Variants in PDE4D observed in about 807,000 individuals in gnomAD.
PDE4D encodes phosphodiesterase 4D.
A neutral mutation model predicts 87.4 loss-of-function variants in PDE4D; 24 were observed. The ratio of observed to expected loss-of-function variants is 0.27; its 90% CI spans 0.20 to 0.39. The LOEUF is 0.39. Among genes scored for constraint, PDE4D ranks in the 10% least tolerant of loss-of-function variants. The pLI is 1.00. For missense variants in PDE4D, 714 were observed against 1,041.0 expected (o/e 0.69, Z 4.32); for synonymous variants, 384 against 383.2 (o/e 1.00, Z -0.02).
At chr5:59,668,752 AAGAAAGAAGAAAGAAGAAGAAGAAAG>A (rs1746500734) in intron 1 of PDE4D, among the ~76,000 whole-genome samples, 2 of 147,026 alleles carry the variant, frequency 1.4e-5, no homozygotes, top group African/African-American at 5.3e-5. Context: ...GAAGAAGAAG[AAGAAAGAAGAAAGAAGAAGAAGAAAG>A]AAGAAGAAGA....
rs377277408 is a variant in PDE4D at position 59,386,691 on chromosome 5, A to AAGGGAGGAAGGGAGGAAGAGAGGGAGGG, written c.456-170724_456-170723insCCCTCCCTCTCTTCCTCCCTTCCTCCCT. 4.4e-4 allele frequency among the ~76,000 whole-genome samples: 60 copies of AAGGGAGGAAGGGAGGAAGAGAGGGAGGG among 136,326 alleles called. 2 individuals carry two copies. The highest frequency in any genetic ancestry group is 1.9e-3 in the East Asian group (8 of 4,212). The allele number at this position is 136,326 out of a possible 152,430, so 89.4% of individuals were successfully genotyped here. ...AAGAAGGGCAGGGCAGCGCAGGAGG[A>AAGGGAGGAAGGGAGGAAGAGAGGGAGGG]AGGGAGGGAGGGAGGGAGGGAGGGA... is the stretch of plus-strand genomic sequence containing the variant. On this transcript the variant is annotated intron_variant, in intron 1 of 14. Transcript: ENST00000340635.
chr5:59,367,503 C>T (rs1426593098), intron 1 of PDE4D, among the ~76,000 whole-genome samples: 2 of 151,854 alleles, frequency 1.3e-5, no homozygotes, highest in African/African-American at 4.8e-5. Context: ...TTTTTTCCCA[C>T]CAGGAATTTT....
At chr5:59,848,734 A>G (rs1744246317) in intron 1 of PDE4D, among the ~76,000 whole-genome samples, 5 of 152,074 alleles carry the variant, frequency 3.3e-5, no homozygotes, top group Admixed American at 3.3e-4. Context: ...TTAAAAGAAG[A>G]TAATGCATCC....
At chr5:59,035,517 A>G (rs1366955229) in intron 6 of PDE4D, among the ~76,000 whole-genome samples, 1 of 152,188 alleles carries the variant, frequency 6.6e-6, no homozygotes, top group Admixed American at 6.5e-5. Flanking sequence ...GCAACCAATG[A>G]AGTTTGACCT....
chr5:59,668,872 A>G (rs1404391622), intron 1 of PDE4D, among the ~76,000 whole-genome samples: 1,217 of 78,336 alleles, frequency 0.016, 89 homozygotes, highest in African/African-American at 0.063. Flanking sequence ...AAGAAGAAGA[A>G]GAAGAAGAAG....
chr5:59,008,137 G>T (rs1268553044), intron 6 of PDE4D, among the ~76,000 whole-genome samples: 1 of 151,940 alleles, frequency 6.6e-6, no homozygotes, highest in Non-Finnish European at 1.5e-5. Context: ...TTTCACTGAA[G>T]AATAATCATG....
intron 1 of PDE4D, among the ~76,000 whole-genome samples, chr5:59,826,200 G>A (rs1770303054): frequency 6.6e-6 from 1 of 151,914 alleles, no homozygotes; most frequent in Non-Finnish European, 1.5e-5. Flanking sequence ...TTCAAGTTTG[G>A]GCCTTGTTCA....
At chr5:59,179,277 T>G (rs1740911404) in intron 5 of PDE4D, among the ~76,000 whole-genome samples, 1 of 152,100 alleles carries the variant, frequency 6.6e-6, no homozygotes, top group East Asian at 1.9e-4. Flanking sequence ...AAGTTTTGTA[T>G]TTTTAGTAGA....
chr5:60,056,989 A>AC (rs1172302723), intron 2 of PDE4D, among the ~76,000 whole-genome samples: 1 of 152,044 alleles, frequency 6.6e-6, no homozygotes, highest in Non-Finnish European at 1.5e-5. Flanking sequence ...TCCAACACCT[A>AC]TCAACAGAAA....
intron 1 of PDE4D, among the ~76,000 whole-genome samples, chr5:59,669,189 A>G (rs1430518073): frequency 6.6e-6 from 1 of 152,072 alleles, no homozygotes; most frequent in African/African-American, 2.4e-5. Context: ...TCTGCTCACC[A>G]CAACCTCCAC....
At chr5:59,490,976 T>A (rs1372541161) in intron 1 of PDE4D, among the ~76,000 whole-genome samples, 1 of 152,188 alleles carries the variant, frequency 6.6e-6, no homozygotes, top group African/African-American at 2.4e-5. Flanking sequence ...TAGCCCTACT[T>A]ACTAGCAGAG....
chr5:59,577,772 G>A (rs1823418089), intron 1 of PDE4D, among the ~76,000 whole-genome samples: 1 of 152,006 alleles, frequency 6.6e-6, no homozygotes, highest in African/African-American at 2.4e-5. Context: ...TCATAATATT[G>A]GCTAAAGTCA....
At chr5:60,147,364 T>G (rs1213032842) in intron 2 of PDE4D, among the ~76,000 whole-genome samples, 1 of 150,356 alleles carries the variant, frequency 6.7e-6, no homozygotes, top group Non-Finnish European at 1.5e-5. Context: ...GACCAAGTGC[T>G]GGCGGTGAAT....
chr5:59,660,902 AT>A (rs1472806760), intron 1 of PDE4D, among the ~76,000 whole-genome samples: 2 of 151,938 alleles, frequency 1.3e-5, no homozygotes, highest in African/African-American at 4.8e-5. Flanking sequence ...AATACCACTC[AT>A]TATGTCTTCA....
At chr5:60,461,264 T>C in intron 1 of PDE4D, among the ~76,000 whole-genome samples, 1 of 152,296 alleles carries the variant, frequency 6.6e-6, no homozygotes, top group Non-Finnish European at 1.5e-5. Flanking sequence ...GGGGAATCCC[T>C]GCCCCAAACA....
intron 1 of PDE4D, among the ~76,000 whole-genome samples, chr5:59,865,796 C>T (rs796585026): frequency 5.3e-5 from 8 of 152,240 alleles, no homozygotes; most frequent in African/African-American, 1.9e-4. Context: ...TTAATCCTCC[C>T]ACTAAAATGT....
chr5:59,794,754 T>A (rs1766260549), intron 1 of PDE4D, among the ~76,000 whole-genome samples: 1 of 152,082 alleles, frequency 6.6e-6, no homozygotes, highest in Non-Finnish European at 1.5e-5. Flanking sequence ...TAAAAAACAG[T>A]GAATTAATGA....
At chr5:59,792,543 GA>G (rs1765927991) in intron 1 of PDE4D, among the ~76,000 whole-genome samples, 1 of 152,058 alleles carries the variant, frequency 6.6e-6, no homozygotes. Flanking sequence ...GTATTTGGGG[GA>G]TTATGGATGG....
chr5:59,190,561 C>A (rs956280738), intron 3 of PDE4D, among the ~76,000 whole-genome samples: 1 of 152,060 alleles, frequency 6.6e-6, no homozygotes, highest in Non-Finnish European at 1.5e-5. Flanking sequence ...TATATCAGGA[C>A]AAATTAGATT....
Sources: allele counts gnomAD v4.1 joint callset (sites outside exome capture counted in the v4.1 genomes callset), GRCh38; gene constraint gnomAD v4.1.1; transcripts MANE v1.5; gene names NCBI Gene and HGNC (gene_info 2026-07-23, HGNC 2026-07-21).